The following DLG1 variants were observed in gnomAD, a reference collection of about 807,000 sequenced individuals.
DLG1 encodes the protein disks large homolog 1.
A neutral mutation model predicts 123.4 loss-of-function variants in DLG1; 42 were observed. That is an observed-to-expected ratio of 0.34 (90% CI 0.27 to 0.44). The LOEUF (loss-of-function observed/expected upper bound fraction) is 0.44. Ranked by LOEUF, DLG1 falls within the 20% of genes least tolerant of loss-of-function variation. The pLI is 1.00. For synonymous variants in DLG1, 317 were observed against 356.2 expected, an observed-to-expected ratio of 0.89 and a Z score of 1.24; for missense variants, 942 against 1,082.6, an observed-to-expected ratio of 0.87 and a Z score of 1.82.
intron 4 of DLG1, among the ~76,000 whole-genome samples, chr3:197,230,439 T>A (rs185247981): frequency 7.9e-5 from 12 of 152,270 alleles, no homozygotes; most frequent in Non-Finnish European, 1.6e-4. Flanking sequence ...TCAAACAATA[T>A]AGTAAAAACA....
At position 197,253,109 on chromosome 3, in the gene DLG1, T is replaced by G. The variant is rs116324886; in HGVS notation, c.318+29570A>C. On this transcript the variant is annotated intron_variant, in intron 4 of 24. Transcript: ENST00000667157. ...AAAGGTTTTGTTCCACGAAAGATCC[T>G]TAAAGAAAGGATGAAAAGACAAGCC... is the stretch of plus-strand genomic sequence containing the variant. Among the ~76,000 whole-genome samples, 1,283 of 152,208 alleles carry G rather than the reference T, an allele frequency of 8.4e-3. 16 individuals are homozygous for G. The highest frequency in any genetic ancestry group is 0.017 in the Middle Eastern group (5 of 294).
intron 3 of DLG1, among the ~76,000 whole-genome samples, chr3:197,290,969 TAA>T (rs1774573215): frequency 6.8e-6 from 1 of 147,770 alleles, no homozygotes. Flanking sequence ...GTGCCCTAAG[TAA>T]AGAGACGTGA....
At chr3:197,237,274 C>A (rs536164738) in intron 4 of DLG1, among the ~76,000 whole-genome samples, 10 of 152,144 alleles carry the variant, frequency 6.6e-5, no homozygotes, top group African/African-American at 2.2e-4. Flanking sequence ...AATGTAGAAC[C>A]CTAAGGAAGA....
In DLG1 at chr3:197,282,808, A is replaced by T; in HGVS notation, c.189T>A (p.Asn63Lys). 2 of 1,600,184 alleles carry T rather than the reference A, an allele frequency of 1.2e-6. No individual in the cohort carries two copies. ...QEFYEVTLLD[N>K]PKCIDRSKPS... ...GCTTTGAACGATCTATACATTTTGG[A>T]TTATCCAGTAAGGTCACTTCATAAA... Residue 63 changes from asparagine to lysine, a missense_variant, in exon 4 of 25, where the codon AAT becomes AAA. Transcript: ENST00000667157.
chr3:197,252,174 T>C (rs1451265655), intron 4 of DLG1, among the ~76,000 whole-genome samples: 1 of 152,176 alleles, frequency 6.6e-6, no homozygotes, highest in Non-Finnish European at 1.5e-5. Context: ...AAAAGGAATA[T>C]GAAAGGGAGG....
chr3:197,275,833 A>T (rs1766154400), intron 4 of DLG1, among the ~76,000 whole-genome samples: 1 of 152,208 alleles, frequency 6.6e-6, no homozygotes. Context: ...GACTATAGGT[A>T]ACAACAATTT....
At chr3:197,222,549 A>C (rs1481558503) in intron 4 of DLG1, among the ~76,000 whole-genome samples, 2 of 152,156 alleles carry the variant, frequency 1.3e-5, no homozygotes, top group African/African-American at 4.8e-5. Flanking sequence ...TTTCCACCCA[A>C]TTATCTCTTA....
intron 4 of DLG1, among the ~76,000 whole-genome samples, chr3:197,195,333 A>C (rs1721885774): frequency 6.6e-6 from 1 of 152,152 alleles, no homozygotes; most frequent in East Asian, 1.9e-4. Context: ...TTTTTTAAAA[A>C]GGCATACAAA....
chr3:197,228,835 G>A (rs1187209059), intron 4 of DLG1, among the ~76,000 whole-genome samples: 2 of 152,116 alleles, frequency 1.3e-5, no homozygotes, highest in African/African-American at 2.4e-5. Flanking sequence ...ATTAACAGTA[G>A]CAATTGTCAT....
At chr3:197,108,315 G>A (rs755047581) in intron 13 of DLG1, among the ~76,000 whole-genome samples, 3 of 152,200 alleles carry the variant, frequency 2.0e-5, no homozygotes, top group Non-Finnish European at 4.4e-5. Flanking sequence ...CACACAGAAT[G>A]AGCTGGAAAG....
chr3:197,066,869 T>C (rs1013834979), intron 19 of DLG1, 115 bp from the exon 20 acceptor site: 8 of 615,202 alleles, frequency 1.3e-5, no homozygotes, highest in East Asian at 2.8e-5. Context: ...GGCAAAGATA[T>C]GGAAAGAGGT....
chr3:197,211,925 A>G (rs1731444009), intron 4 of DLG1, among the ~76,000 whole-genome samples: 1 of 146,634 alleles, frequency 6.8e-6, no homozygotes, highest in Non-Finnish European at 1.5e-5. Flanking sequence ...AAAGAACACG[A>G]TCATGTCTTT....
At position 197,144,318 on chromosome 3, in the gene DLG1, C is replaced by T. The variant is rs372283316; in HGVS notation, c.538-1550G>A. Among the ~76,000 whole-genome samples, 9 of 152,246 alleles carry T rather than the reference C, an allele frequency of 5.9e-5. No homozygotes were observed. The East Asian group carries it at 1.7e-3, about 29-fold the overall frequency. ...AGCTATAACATGAGTAAAACTCAAA[C>T]AGCCTACAGAGAGATCTAACCAACA... is the stretch of plus-strand genomic sequence containing the variant. On this transcript the variant is annotated intron_variant, in intron 6 of 24. Coordinates refer to ENST00000667157, the MANE Select transcript of DLG1 (RefSeq NM_001366207.1).
At chr3:197,113,353 G>A (rs1447829407) in intron 13 of DLG1, among the ~76,000 whole-genome samples, 1 of 152,108 alleles carries the variant, frequency 6.6e-6, no homozygotes, top group African/African-American at 2.4e-5. Flanking sequence ...AATTAAAGAA[G>A]AGGGCATTTA....
At chr3:197,198,902 G>A (rs778407942) in intron 4 of DLG1, among the ~76,000 whole-genome samples, 2 of 152,160 alleles carry the variant, frequency 1.3e-5, no homozygotes, top group African/African-American at 2.4e-5. Context: ...TTAAGACCCA[G>A]CAATTTCACT....
At chr3:197,278,962 C>T (rs1364161668) in intron 4 of DLG1, among the ~76,000 whole-genome samples, 1 of 152,114 alleles carries the variant, frequency 6.6e-6, no homozygotes, top group Non-Finnish European at 1.5e-5. Context: ...ACAAGTATAA[C>T]CTAAATTCTG....
chr3:197,124,831 G>A (rs761349341), intron 11 of DLG1, among the ~76,000 whole-genome samples: 28 of 152,046 alleles, frequency 1.8e-4, no homozygotes, highest in Non-Finnish European at 3.4e-4. Context: ...GTGTTAGAGA[G>A]GTATCTTAAG....
chr3:197,081,168 T>C (rs755007173), intron 16 of DLG1, 51 bp from the exon 17 acceptor site: 1 of 1,532,610 alleles, frequency 6.5e-7, no homozygotes, highest in South Asian at 1.2e-5. Context: ...ATATCTGGGG[T>C]CTTACTAGAA....
intron 18 of DLG1, 162 bp from the exon 19 acceptor site, chr3:197,069,422 A>T: frequency 2.2e-6 from 1 of 452,564 alleles, no homozygotes; most frequent in Non-Finnish European, 3.9e-6. Flanking sequence ...TAATAAATAT[A>T]TATTAGCAAA....
Sources: allele counts gnomAD v4.1 joint callset (sites outside exome capture counted in the v4.1 genomes callset), GRCh38; gene constraint gnomAD v4.1.1; transcripts MANE v1.5; gene names NCBI Gene and HGNC (gene_info 2026-07-23, HGNC 2026-07-21).